Variants in JAK1 observed in about 807,000 individuals in gnomAD.
The protein encoded by JAK1 is Janus kinase 1, also known as tyrosine-protein kinase JAK1.
Under a neutral mutation model 136.6 loss-of-function variants are expected in JAK1, and 16 were observed. That is an observed-to-expected ratio of 0.12 (90% CI 0.08 to 0.18). The LOEUF is 0.18. JAK1 is among the 10% of genes least tolerant of loss of function. The pLI is 1.00. For missense variants in JAK1, 859 were observed against 1,450.1 expected, an observed-to-expected ratio of 0.59 and a Z score of 6.62; for synonymous variants, 492 against 519.5, an observed-to-expected ratio of 0.95 and a Z score of 0.72.
At chr1:64,945,183 A>G (rs1396850722) in intron 1 of JAK1, among the ~76,000 whole-genome samples, 4 of 152,138 alleles carry the variant, frequency 2.6e-5, no homozygotes, top group African/African-American at 9.7e-5. Context: ...CCATGTTAAC[A>G]AGATGGCAGT....
At chr1:64,838,444 C>T (rs780593306) in intron 21 of JAK1, 21 bp downstream of exon 21, 2 of 1,612,572 alleles carry the variant, frequency 1.2e-6, no homozygotes, top group Non-Finnish European at 1.7e-6. Context: ...TAATCTGTAA[C>T]ATGATGTCTT....
At chr1:64,948,355 C>G (rs1646024015) in intron 1 of JAK1, among the ~76,000 whole-genome samples, 1 of 152,226 alleles carries the variant, frequency 6.6e-6, no homozygotes, top group South Asian at 2.1e-4. Flanking sequence ...AAAAAGCTAT[C>G]ATGCTAGGTA....
chr1:64,920,841 C>T (rs1484631780), intron 1 of JAK1, among the ~76,000 whole-genome samples: 1 of 152,142 alleles, frequency 6.6e-6, no homozygotes, highest in Non-Finnish European at 1.5e-5. Flanking sequence ...TACTGATTCA[C>T]TGACTGAGTT....
Position 65,040,195 on chromosome 1 carries a change from A to G in JAK1, c.-78+4285T>C, listed in dbSNP as rs926142264. Reference sequence around the variant, plus strand: ...GCCCCACCACACTCCAGCCTGGGCAACTAGAGCAAGACCCTGTCTCCAAAA... The same window carrying G: ...GCCCCACCACACTCCAGCCTGGGCAGCTAGAGCAAGACCCTGTCTCCAAAA... On this transcript the variant is annotated intron_variant, in intron 2 of 25. Transcript: ENST00000671954. Among the ~76,000 whole-genome samples, 14 of 151,794 alleles carry G rather than the reference A, an allele frequency of 9.2e-5. No homozygotes were observed. In the South Asian group the frequency reaches 2.7e-3, roughly 30 times the overall value.
chr1:64,860,885 C>T (rs992975928), intron 8 of JAK1, among the ~76,000 whole-genome samples: 8 of 113,826 alleles, frequency 7.0e-5, no homozygotes, highest in Non-Finnish European at 1.1e-4. Context: ...GTGGGGGAGG[C>T]TGTGGCAGGC....
intron 2 of JAK1, among the ~76,000 whole-genome samples, chr1:64,883,787 T>G (rs577223389): frequency 6.6e-6 from 1 of 152,258 alleles, no homozygotes; most frequent in South Asian, 2.1e-4. Flanking sequence ...TTTTCTCCAT[T>G]TGCACCCAAG....
chr1:64,846,562 G>C (rs139516389), intron 14 of JAK1, 87 bp downstream of exon 14: 2 of 935,312 alleles, frequency 2.1e-6, no homozygotes, highest in African/African-American at 3.2e-5. Flanking sequence ...CCTGGGCAAC[G>C]TGAGGGTGGG....
intron 2 of JAK1, chr1:64,974,105 A>G (rs1646477848): frequency 6.6e-6 from 1 of 152,228 alleles, no homozygotes; most frequent in Non-Finnish European, 1.5e-5. Context: ...TAACTCTGTC[A>G]TAAATTCAAT....
rs372849723 is a variant in JAK1 at position 64,850,923 on chromosome 1, T to C, written c.1649-13A>G. 184 of 1,578,462 alleles carry C rather than the reference T, an allele frequency of 1.2e-4. No homozygotes were observed. The highest frequency in any genetic ancestry group is 3.3e-4 in the Middle Eastern group (2 of 6,034). On this transcript the variant is annotated splice_polypyrimidine_tract_variant and intron_variant, in intron 11 of 24. Transcript: ENST00000342505. ...AGGTTGGAGATTTCTGTGGAAGAGA[T>C]TGGGGGAGTCTGAGCACAGCACCCA...
chr1:64,936,006 A>G (rs1645783122), intron 1 of JAK1, among the ~76,000 whole-genome samples: 1 of 152,054 alleles, frequency 6.6e-6, no homozygotes, highest in South Asian at 2.1e-4. Flanking sequence ...GCCCCTCCCC[A>G]TTTCACAAAG....
At chr1:64,862,954 C>T (rs1437240592) in intron 8 of JAK1, among the ~76,000 whole-genome samples, 1 of 152,182 alleles carries the variant, frequency 6.6e-6, no homozygotes, top group Non-Finnish European at 1.5e-5. Flanking sequence ...AGGACTAAGA[C>T]AGACCAAGAT....
intron 1 of JAK1, among the ~76,000 whole-genome samples, chr1:64,931,356 A>G (rs1451945397): frequency 1.3e-5 from 2 of 152,048 alleles, no homozygotes; most frequent in Non-Finnish European, 2.9e-5. Flanking sequence ...TACAACTCCC[A>G]TAAGAAGGGA....
At chr1:64,893,734 TAA>T (rs1644973094) in intron 1 of JAK1, among the ~76,000 whole-genome samples, 2 of 152,230 alleles carry the variant, frequency 1.3e-5, no homozygotes, top group African/African-American at 4.8e-5. Context: ...CCCTAACTTA[TAA>T]AAGTTTGAAA....
chr1:65,058,817 A>C (rs182130902), intron 1 of JAK1, among the ~76,000 whole-genome samples: 5 of 152,316 alleles, frequency 3.3e-5, no homozygotes, highest in South Asian at 2.1e-4. Flanking sequence ...TTCACAGCTT[A>C]TCTCTTCCAT....
chr1:64,979,271 G>A (rs1646522903), intron 2 of JAK1, among the ~76,000 whole-genome samples: 1 of 152,170 alleles, frequency 6.6e-6, no homozygotes, highest in Admixed American at 6.5e-5. Flanking sequence ...ACAATGGTGT[G>A]CAGCTATAGC....
intron 23 of JAK1, 114 bp from the exon 24 acceptor site, chr1:64,835,620 G>C (rs927655891): frequency 1.5e-6 from 1 of 685,784 alleles, no homozygotes; most frequent in African/African-American, 1.8e-5. Flanking sequence ...GCAATAAAAA[G>C]GCTTTTCTCC....
chr1:64,855,802 ATC>A, intron 10 of JAK1, 104 bp from the exon 11 acceptor site: 3 of 868,674 alleles, frequency 3.5e-6, no homozygotes, highest in Non-Finnish European at 3.5e-6. Flanking sequence ...ATTTTGCACC[ATC>A]TCTGTAACAT....
chr1:64,837,567 T>G (rs1654566327), intron 22 of JAK1, among the ~76,000 whole-genome samples: 1 of 152,234 alleles, frequency 6.6e-6, no homozygotes, highest in South Asian at 2.1e-4. Context: ...ACAGCCTCCC[T>G]CTGCAGGAAT....
At chr1:64,881,313 C>T (rs1644769268) in intron 3 of JAK1, among the ~76,000 whole-genome samples, 1 of 134,294 alleles carries the variant, frequency 7.4e-6, no homozygotes, top group Admixed American at 7.7e-5. Flanking sequence ...CTTTAATCCT[C>T]CTAATATCTA....
Sources: allele counts gnomAD v4.1 joint callset (sites outside exome capture counted in the v4.1 genomes callset), GRCh38; gene constraint gnomAD v4.1.1; transcripts MANE v1.5; gene names NCBI Gene and HGNC (gene_info 2026-07-23, HGNC 2026-07-21).